The following FRMD7 variants were observed in gnomAD, a reference collection of about 807,000 sequenced individuals.
The protein encoded by FRMD7 is FERM domain containing 7.
A neutral mutation model predicts 44.1 loss-of-function variants in FRMD7; 14 were observed. The observed-to-expected ratio is 0.32, with a 90% confidence interval of 0.21 to 0.50. The LOEUF (loss-of-function observed/expected upper bound fraction) is 0.50. FRMD7 is among the 20% of genes least tolerant of loss of function. The pLI is 0.99. For synonymous variants in FRMD7, 212 were observed against 187.4 expected (o/e 1.13, Z -1.07); for missense variants, 501 against 522.3 (o/e 0.96, Z 0.40).
intron 1 of FRMD7, among the ~76,000 whole-genome samples, chrX:132,122,209 T>C (rs1322346505): frequency 8.9e-6 from 1 of 112,159 alleles, no homozygotes; most frequent in African/African-American, 3.2e-5. Flanking sequence ...TTATCCCTGA[T>C]ATCTCATTTA....
At chrX:132,081,100 C>T (rs1178225509) in intron 9 of FRMD7, among the ~76,000 whole-genome samples, 2 of 111,395 alleles carry the variant, frequency 1.8e-5, no homozygotes, top group South Asian at 7.5e-4. Context: ...TTTGGGAGGC[C>T]AAGGCTGGTG....
intron 4 of FRMD7, among the ~76,000 whole-genome samples, chrX:132,096,360 C>T (rs1253678986): frequency 3.6e-5 from 4 of 110,826 alleles, no homozygotes; most frequent in Non-Finnish European, 3.8e-5. Context: ...CATGACCTAT[C>T]TCTTCCTCTG....
At chrX:132,092,946 T>C (rs1473948126) in intron 5 of FRMD7, among the ~76,000 whole-genome samples, 1 of 111,949 alleles carries the variant, frequency 8.9e-6, no homozygotes, top group Non-Finnish European at 1.9e-5. Flanking sequence ...TCTATATACG[T>C]CACTTCTTGT....
rs781757793 is a variant in FRMD7 at position 132,080,058 on chromosome X, T to C, written c.998A>G (p.His333Arg). The C allele has an allele frequency of 6.7e-6, 8 of 1,200,859 alleles. No individual in the cohort carries two copies. The South Asian group carries it at 1.2e-4, about 19-fold the overall frequency. The part of the protein sequence containing the change: ...FERKHYPSQY[H>R]ERQCRSSPDL... ...TGGTGAGGACCTGCACTGTCGTTCA[T>C]GGTACTGAGATGGGTAATGTTTCCT... Residue 333 changes from histidine to arginine, a missense_variant, in exon 11 of 12, where the codon CAT (histidine) becomes CGT (arginine). By Grantham distance (29) the His-to-Arg change is conservative. Around this residue, in one of 3 missense-constraint regions of FRMD7, gnomAD observed 453 missense variants for 452.7 expected, o/e 1.00. Transcript: ENST00000298542.
chrX:132,116,737 G>T (rs760624994), intron 1 of FRMD7, among the ~76,000 whole-genome samples: 1 of 111,468 alleles, frequency 9.0e-6, no homozygotes, highest in African/African-American at 3.3e-5. Context: ...GTAGGTGATG[G>T]GTTGATGGGT....
At chrX:132,114,352 T>A (rs925763004) in intron 1 of FRMD7, among the ~76,000 whole-genome samples, 1 of 111,631 alleles carries the variant, frequency 9.0e-6, no homozygotes, top group African/African-American at 3.3e-5. Flanking sequence ...TTTAAATATA[T>A]TCAGGAAACT....
intron 1 of FRMD7, among the ~76,000 whole-genome samples, chrX:132,115,432 TC>T (rs1928875585): frequency 8.9e-6 from 1 of 112,791 alleles, no homozygotes; most frequent in South Asian, 3.6e-4. Flanking sequence ...TTCATGCATT[TC>T]TTTTAAGTAC....
At chrX:132,116,535 C>G (rs754599854) in intron 1 of FRMD7, among the ~76,000 whole-genome samples, 1 of 112,075 alleles carries the variant, frequency 8.9e-6, no homozygotes, top group East Asian at 2.8e-4. Flanking sequence ...TAAGATATAA[C>G]ATGCTGAGAT....
At chrX:132,082,222 G>T in intron 9 of FRMD7, 141 bp downstream of exon 9, 2 of 594,015 alleles carry the variant, frequency 3.4e-6, no homozygotes, top group Non-Finnish European at 3.0e-6. Context: ...GTCATACAGA[G>T]AATGAGCAGG....
intron 4 of FRMD7, 149 bp downstream of exon 4, chrX:132,097,117 G>T (rs766375690): frequency 3.7e-6 from 2 of 538,657 alleles, no homozygotes; most frequent in Admixed American, 4.8e-5. Context: ...AACCAGCTAG[G>T]CCCATCCTCT....
At chrX:132,087,200 T>C (rs1266122628) in intron 5 of FRMD7, among the ~76,000 whole-genome samples, 1 of 111,784 alleles carries the variant, frequency 8.9e-6, no homozygotes, top group Non-Finnish European at 1.9e-5. Context: ...TGACTTCCCC[T>C]GAAGTCAAAC....
chrX:132,081,191 G>A (rs367967457), intron 9 of FRMD7, among the ~76,000 whole-genome samples: 2 of 111,457 alleles, frequency 1.8e-5, no homozygotes, highest in East Asian at 5.7e-4. Flanking sequence ...AAATTAGCCG[G>A]GTGTGGTGGC....
rs1331177695 is a variant in FRMD7 at position 132,085,659 on chromosome X, G to C, written c.567C>G (p.Ile189Met). The change falls in exon 7 of 12, where the codon ATC becomes ATG. Residue 189 changes from isoleucine (I) to methionine (M), a missense_variant. Physicochemically the swap from Ile to Met is conservative, Grantham distance 10. Coordinates refer to ENST00000298542, the MANE Select transcript of FRMD7 (RefSeq NM_194277.3). Reference protein sequence around the residue: ...DIARKLDMYGIRPHPASDGEG... With the variant: ...DIARKLDMYGMRPHPASDGEG... ...CACCATCACTGGCGGGGTGAGGCCT[G>C]ATGCCATACATATCCAGCTTCCTTG... 26 of 1,207,273 alleles carry C rather than the reference G, an allele frequency of 2.2e-5. No homozygotes were observed. Among genetic ancestry groups the C allele is most frequent in the Admixed American group, 4.4e-5 (2 of 45,766 alleles).
At chrX:132,113,464 C>G in intron 1 of FRMD7, among the ~76,000 whole-genome samples, 1 of 111,041 alleles carries the variant, frequency 9.0e-6, no homozygotes, top group Non-Finnish European at 1.9e-5. Context: ...GGGAGTGGAA[C>G]CCAGGTCTTC....
In FRMD7 at chrX:132,085,656, C is replaced by T. The variant is rs776334633; in HGVS notation, c.570G>A (p.Arg190=). Reference sequence around the variant, plus strand: ...CTTCACCATCACTGGCGGGGTGAGGCCTGATGCCATACATATCCAGCTTCC... The same window carrying T: ...CTTCACCATCACTGGCGGGGTGAGGTCTGATGCCATACATATCCAGCTTCC... ...IARKLDMYGI[R]PHPASDGEGM... Residue 190 remains arginine (R), a synonymous_variant, in exon 7 of 12, where the codon AGG becomes AGA. Coordinates refer to ENST00000298542, the MANE Select transcript of FRMD7 (RefSeq NM_194277.3). The T allele has an allele frequency of 5.0e-6, 6 of 1,208,839 alleles. No individual in the cohort carries two copies. The highest frequency in any genetic ancestry group is 1.8e-5 in the South Asian group (1 of 56,905).
At chrX:132,079,233 A>G (rs1927730135) in intron 11 of FRMD7, among the ~76,000 whole-genome samples, 1 of 112,058 alleles carries the variant, frequency 8.9e-6, no homozygotes, top group African/African-American at 3.2e-5. Flanking sequence ...CACTACAAGC[A>G]GTTTGGTTTA....
intron 5 of FRMD7, among the ~76,000 whole-genome samples, chrX:132,087,848 C>T (rs749143052): frequency 9.0e-6 from 1 of 111,021 alleles, no homozygotes; most frequent in Admixed American, 9.6e-5. Flanking sequence ...AAGGATTATA[C>T]ACAATGAGTT....
intron 8 of FRMD7, among the ~76,000 whole-genome samples, chrX:132,082,864 G>A (rs1035947660): frequency 2.7e-5 from 3 of 112,580 alleles, no homozygotes; most frequent in African/African-American, 9.7e-5. Context: ...TTTTCAAGGT[G>A]AGAAGTTATA....
intron 1 of FRMD7, among the ~76,000 whole-genome samples, chrX:132,104,913 C>A (rs890462929): frequency 8.9e-6 from 1 of 111,811 alleles, no homozygotes; most frequent in African/African-American, 3.2e-5. Context: ...GTATGTATAT[C>A]AAAAATTATT....
Sources: gnomAD v4.1 joint callset for allele counts (sites outside exome capture counted in the v4.1 genomes callset) on GRCh38, gnomAD v4.1.1 for gene constraint, gnomAD v4.1.1 regional missense constraint, MANE v1.5 for transcripts, NCBI Gene and HGNC (gene_info 2026-07-23, HGNC 2026-07-21) for gene names.